The following BRIP1 variants were observed in gnomAD, a reference collection of about 807,000 sequenced individuals.
The protein encoded by BRIP1 is Fanconi anemia group J protein.
Under a neutral mutation model 119.7 loss-of-function variants are expected in BRIP1, and 88 were observed. The ratio of observed to expected loss-of-function variants is 0.74; its 90% CI spans 0.62 to 0.88. BRIP1 has a LOEUF of 0.88. Among genes scored for constraint, BRIP1 ranks in the 40% least tolerant of loss-of-function variants. BRIP1 has a pLI of 0.00. For synonymous variants in BRIP1, 443 were observed against 496.5 expected (o/e 0.89, Z 1.43); for missense variants, 1,259 against 1,455.4 (o/e 0.87, Z 2.20).
At position 61,683,381 on chromosome 17, in the gene BRIP1, T is replaced by TC. The variant is rs752586524; in HGVS notation, c.3664dup (p.Glu1222GlyfsTer7). 7 of 1,612,918 alleles carry TC rather than the reference T, an allele frequency of 4.3e-6. No homozygotes were observed. In the East Asian group the frequency reaches 1.3e-4, roughly 31 times the overall value. On this transcript the variant is annotated frameshift_variant, in exon 20 of 20. Transcript: ENST00000259008. LOFTEE classifies it low-confidence loss of function (END_TRUNC). The surrounding 1 kb of genome is among the most constrained non-coding windows in gnomAD (Gnocchi z 4.7). ...TTCTATTTCATGAGTTTTTCCCAGT[T>TC]CCAGTTCATTTATCCAAGTTGTTTT...
rs1322045522 is a variant in BRIP1, at chr17:61,736,931, A to C, written c.2379+6082T>G. On this transcript the variant is annotated intron_variant, in intron 16 of 19. Coordinates refer to ENST00000259008, the MANE Select transcript of BRIP1 (RefSeq NM_032043.3). The surrounding 1 kb of genome is among the most constrained non-coding windows in gnomAD (Gnocchi z 4.4). The stretch of plus-strand genomic sequence containing the variant: ...TCCTCTGTTTTCCCTATATTATTTA[A>C]AAGGCAAATGCATAAAAACAATAAT... 6.6e-6 allele frequency among the ~76,000 whole-genome samples: 1 copy of C among 152,208 alleles called. No homozygotes were observed. The highest frequency in any genetic ancestry group is 1.5e-5 in the Non-Finnish European group (1 of 68,006).
rs183555063 is a variant in BRIP1, at chr17:61,789,752, G to C, written c.1473+3845C>G. Among the ~76,000 whole-genome samples, 931 of 152,192 alleles carry C rather than the reference G, an allele frequency of 6.1e-3. 9 individuals are homozygous for C. The highest frequency in any genetic ancestry group is 0.021 in the African/African-American group (884 of 41,524). ...AATAGGAAAGTATACACAATATATT[G>C]TTAAATTAAAAGAGGGTAAAACAAA... On this transcript the variant is annotated intron_variant, in intron 10 of 19. Transcript: ENST00000259008. The surrounding 1 kb of genome is among the most constrained non-coding windows in gnomAD (Gnocchi z 4.8).
Position 61,686,984 on chromosome 17 carries a change from A to G in BRIP1, c.2576-819T>C, listed in dbSNP as rs1436398546. Among the ~76,000 whole-genome samples, 4 of 152,212 alleles carry G rather than the reference A, an allele frequency of 2.6e-5. No homozygotes were observed. Among genetic ancestry groups the G allele is most frequent in the Non-Finnish European group, 4.4e-5 (3 of 68,040 alleles). ...AATTTAAGTTCTAGATTTTAAAACT[A>G]AAAAAATTTTAAATAAGCCATTTCC... On this transcript the variant is annotated intron_variant, in intron 18 of 19. Transcript: ENST00000259008. The surrounding 1 kb of genome is among the most constrained non-coding windows in gnomAD (Gnocchi z 5.4).
chr17:61,787,901 C>T (rs1001816346), intron 10 of BRIP1, among the ~76,000 whole-genome samples: 2 of 152,194 alleles, frequency 1.3e-5, no homozygotes, highest in Non-Finnish European at 1.5e-5. Flanking sequence ...GCCTCGGCCT[C>T]CCAAAGTGCT....
rs1219152456 is a variant in BRIP1 at position 61,685,938 on chromosome 17, C to T, written c.2803G>A (p.Val935Met). 1 of 1,614,032 alleles carries T rather than the reference C, an allele frequency of 6.2e-7. No homozygotes were observed. Among genetic ancestry groups the T allele is most frequent in the Admixed American group, 1.7e-5 (1 of 60,012 alleles). ...AASHLSPENF[V>M]EDEAKICVQE... is the part of the protein sequence containing the mutation. Reference sequence around the variant, plus strand: ...ACACATATCTTTGCTTCATCTTCCACAAAATTTTCTGGTGATAGATGACTT... The same window carrying T: ...ACACATATCTTTGCTTCATCTTCCATAAAATTTTCTGGTGATAGATGACTT... The change falls in exon 19 of 20, where the codon GTG becomes ATG. Residue 935 changes from valine (V) to methionine (M), a missense_variant. Physicochemically the swap from Val to Met is conservative, Grantham distance 21 (BLOSUM62 1). Coordinates refer to ENST00000259008, the MANE Select transcript of BRIP1 (RefSeq NM_032043.3).
At position 61,684,421 on chromosome 17, in the gene BRIP1, A is replaced by T. The variant is rs2061331110; in HGVS notation, c.2906-281T>A. On this transcript the variant is annotated intron_variant, in intron 19 of 19. Transcript: ENST00000259008. The surrounding 1 kb of genome is among the most constrained non-coding windows in gnomAD (Gnocchi z 4.5). ...AATGAATGAGGAAAGAAGGGGTAAAAGGGAAGAGGAAGGGAGCTGAGGAAA... is the reference window on the plus strand; with the variant it reads ...AATGAATGAGGAAAGAAGGGGTAAATGGGAAGAGGAAGGGAGCTGAGGAAA... Among the ~76,000 whole-genome samples the T allele has an allele frequency of 1.3e-5, 2 of 152,182 alleles. No homozygotes were observed. Among genetic ancestry groups the T allele is most frequent in the African/African-American group, 4.8e-5 (2 of 41,454 alleles).
rs1296529832 is a variant in BRIP1 at position 61,742,550 on chromosome 17, A to G, written c.2379+463T>C. On this transcript the variant is annotated intron_variant, in intron 16 of 19. Transcript: ENST00000259008. The surrounding 1 kb of genome is among the most constrained non-coding windows in gnomAD (Gnocchi z 4.7). ...CACTTGAACACTCTGGGGCCATTGT[A>G]GGGTTATTAACTGGCCTAATTTCAG... Among the ~76,000 whole-genome samples, 1 of 152,164 alleles carries G rather than the reference A, an allele frequency of 6.6e-6. No homozygotes were observed. The highest frequency in any genetic ancestry group is 1.5e-5 in the Non-Finnish European group (1 of 68,028).
At chr17:61,715,552 A>G (rs2144374067) in intron 17 of BRIP1, among the ~76,000 whole-genome samples, 1 of 152,290 alleles carries the variant, frequency 6.6e-6, no homozygotes, top group South Asian at 2.1e-4. Flanking sequence ...TGGCTGGTAT[A>G]TCAATTTTCT....
At chr17:61,688,215 T>C (rs2061388971) in intron 18 of BRIP1, among the ~76,000 whole-genome samples, 1 of 152,206 alleles carries the variant, frequency 6.6e-6, no homozygotes, top group Non-Finnish European at 1.5e-5. Context: ...GGCTCATGCC[T>C]GTAATCCCAG....
chr17:61,744,400 T>G lies in BRIP1; in HGVS notation c.2257+32A>C, dbSNP rs748251501. On this transcript the variant is annotated intron_variant, in intron 15 of 19. Transcript: ENST00000259008. This position sits in a 1 kb window ranked among gnomAD's most constrained non-coding sequence, Gnocchi z 5.0. ...TTCTTACTTTGTAATAAAAAATATT[T>G]TTTCACCGACCATGAAATAATTTCC... 1.2e-6 allele frequency: 2 copies of G among 1,604,552 alleles called. No homozygotes were observed.
rs193073109 is a variant in BRIP1 at position 61,819,303 on chromosome 17, T to C, written c.628-10546A>G. On this transcript the variant is annotated intron_variant, in intron 6 of 19. Transcript: ENST00000259008. Reference sequence around the variant, plus strand: ...TGGGAATGTAGATTAGTACAACCACTATCGAGAACAATTTGGAAATTCCTC... The same window carrying C: ...TGGGAATGTAGATTAGTACAACCACCATCGAGAACAATTTGGAAATTCCTC... 2.0e-5 allele frequency among the ~76,000 whole-genome samples: 3 copies of C among 152,130 alleles called. No individual in the cohort carries two copies. The East Asian group carries it at 5.8e-4, about 29-fold the overall frequency.
chr17:61,693,763 T>C lies in BRIP1; in HGVS notation c.2493-251A>G, dbSNP rs966772311. Among the ~76,000 whole-genome samples, 1 of 152,146 alleles carries C rather than the reference T, an allele frequency of 6.6e-6. No individual in the cohort carries two copies. Among genetic ancestry groups the C allele is most frequent in the Non-Finnish European group, 1.5e-5 (1 of 67,988 alleles). The stretch of plus-strand genomic sequence containing the variant: ...TATTTTATTTTGCACTCAAGAAAAT[T>C]ATAGAAAATATATTCTAAGATCTTT... On this transcript the variant is annotated intron_variant, in intron 17 of 19. Coordinates refer to ENST00000259008, the MANE Select transcript of BRIP1 (RefSeq NM_032043.3). This position sits in a 1 kb window ranked among gnomAD's most constrained non-coding sequence, Gnocchi z 4.2.
rs188645625 is a variant in BRIP1 at position 61,805,144 on chromosome 17, A to T, written c.918+3323T>A. Among the ~76,000 whole-genome samples, 1 of 152,220 alleles carries T rather than the reference A, an allele frequency of 6.6e-6. No homozygotes were observed. The highest frequency in any genetic ancestry group is 6.5e-5 in the Admixed American group (1 of 15,274). ...AGGAGAATCCGTGTTTTCAAAACATACATACATCAATACATACACAAATGT... is the reference window on the plus strand; with the variant it reads ...AGGAGAATCCGTGTTTTCAAAACATTCATACATCAATACATACACAAATGT... On this transcript the variant is annotated intron_variant, in intron 7 of 19. Transcript: ENST00000259008. This position sits in a 1 kb window ranked among gnomAD's most constrained non-coding sequence, Gnocchi z 5.6.
rs1567732136 is a variant in BRIP1 at position 61,686,159 on chromosome 17, G to GA, written c.2581dup (p.Ser861PhefsTer2). On this transcript the variant is annotated frameshift_variant, in exon 19 of 20. Transcript: ENST00000259008. LOFTEE classifies it high-confidence loss of function. The surrounding 1 kb of genome is among the most constrained non-coding windows in gnomAD (Gnocchi z 5.4). ...CTGAATCTGCTGCCGTACCCATTTA[G>GA]AAAGTCCTAAAGAAAAAGGTAAACC... 1.2e-6 allele frequency: 2 copies of GA among 1,613,998 alleles called. No individual in the cohort carries two copies. Among genetic ancestry groups the GA allele is most frequent in the African/African-American group, 2.7e-5 (2 of 75,038 alleles).
At position 61,810,074 on chromosome 17, in the gene BRIP1, ACAGT is replaced by A. The variant is rs1338880670; in HGVS notation, c.628-1321_628-1318del. ...AAAGGTTCACTGATGTGCCAAATAA[ACAGT>A]CAGTCAAAGCAGATAAAGTTACAGC... is the stretch of plus-strand genomic sequence containing the variant. On this transcript the variant is annotated intron_variant, in intron 6 of 19. Coordinates refer to ENST00000259008, the MANE Select transcript of BRIP1 (RefSeq NM_032043.3). This position sits in a 1 kb window ranked among gnomAD's most constrained non-coding sequence, Gnocchi z 4.7. Among the ~76,000 whole-genome samples the A allele has an allele frequency of 3.3e-5, 5 of 152,234 alleles. No individual in the cohort carries two copies. The highest frequency in any genetic ancestry group is 5.9e-5 in the Non-Finnish European group (4 of 68,044).
rs1288949362 is a variant in BRIP1 at position 61,705,340 on chromosome 17, G to A, written c.2492+10611C>T. ...CCACATTTTCTTTATCTAGTCCACC[G>A]TTGATAGGTATTTGAGTTGCTTCTA... On this transcript the variant is annotated intron_variant, in intron 17 of 19. Coordinates refer to ENST00000259008, the MANE Select transcript of BRIP1 (RefSeq NM_032043.3). This position sits in a 1 kb window ranked among gnomAD's most constrained non-coding sequence, Gnocchi z 5.0. 1.3e-5 allele frequency among the ~76,000 whole-genome samples: 2 copies of A among 152,168 alleles called. No homozygotes were observed. Among genetic ancestry groups the A allele is most frequent in the Non-Finnish European group, 2.9e-5 (2 of 67,974 alleles).
chr17:61,818,245 A>C (rs892570244), intron 6 of BRIP1, among the ~76,000 whole-genome samples: 1 of 152,002 alleles, frequency 6.6e-6, no homozygotes, highest in Non-Finnish European at 1.5e-5. Context: ...CTATAGATGT[A>C]AGAATTTCAA....
rs1167145297 is a variant in BRIP1 at position 61,699,475 on chromosome 17, A to G, written c.2493-5963T>C. Among the ~76,000 whole-genome samples, 1 of 152,214 alleles carries G rather than the reference A, an allele frequency of 6.6e-6. No homozygotes were observed. Among genetic ancestry groups the G allele is most frequent in the East Asian group, 1.9e-4 (1 of 5,204 alleles). On this transcript the variant is annotated intron_variant, in intron 17 of 19. Transcript: ENST00000259008. This position sits in a 1 kb window ranked among gnomAD's most constrained non-coding sequence, Gnocchi z 4.8. ...TTTTTATTAGTGGTTGAAGAGTATA[A>G]TAAACATATCAACCAGTAATAAACT...
In BRIP1 at chr17:61,780,628, T is replaced by C. The variant is rs1354591611; in HGVS notation, c.1794+212A>G. Among the ~76,000 whole-genome samples the C allele has an allele frequency of 6.6e-6, 1 of 151,964 alleles. No homozygotes were observed. The highest frequency in any genetic ancestry group is 1.9e-4 in the East Asian group (1 of 5,186). On this transcript the variant is annotated intron_variant, in intron 12 of 19. Coordinates refer to ENST00000259008, the MANE Select transcript of BRIP1 (RefSeq NM_032043.3). The surrounding 1 kb of genome is among the most constrained non-coding windows in gnomAD (Gnocchi z 5.4). ...CTATAGTCCCAGCTACTCGGGAAGCTAAGGTGGGAGGATCGCTTGAGCCTG... is the reference window on the plus strand; with the variant it reads ...CTATAGTCCCAGCTACTCGGGAAGCCAAGGTGGGAGGATCGCTTGAGCCTG...
Sources: allele counts gnomAD v4.1 joint callset (sites outside exome capture counted in the v4.1 genomes callset), GRCh38; gene constraint gnomAD v4.1.1; non-coding constraint Gnocchi (gnomAD v3.1); transcripts MANE v1.5; gene names NCBI Gene and HGNC (gene_info 2026-07-23, HGNC 2026-07-21).